Variants in PTPRB observed in about 807,000 individuals in gnomAD.
PTPRB encodes the protein receptor-type tyrosine-protein phosphatase beta.
A neutral mutation model predicts 238.1 loss-of-function variants in PTPRB; 97 were observed. The ratio of observed to expected loss-of-function variants is 0.41; its 90% CI spans 0.35 to 0.48. PTPRB has a LOEUF of 0.48. Ranked by LOEUF, PTPRB falls within the 20% of genes least tolerant of loss-of-function variation. PTPRB has a pLI of 0.30. For missense variants in PTPRB, 2,292 were observed against 2,681.9 expected (o/e 0.85, Z 3.21); for synonymous variants, 970 against 995.4 (o/e 0.97, Z 0.48).
At chr12:70,550,808 A>G (rs1449639519) in intron 21 of PTPRB, among the ~76,000 whole-genome samples, 1 of 152,188 alleles carries the variant, frequency 6.6e-6, no homozygotes, top group Non-Finnish European at 1.5e-5. Flanking sequence ...TTTCCAACTC[A>G]AAAAGAAAAT....
intron 21 of PTPRB, among the ~76,000 whole-genome samples, chr12:70,550,686 G>A (rs768600191): frequency 3.3e-5 from 5 of 152,078 alleles, no homozygotes; most frequent in Non-Finnish European, 7.4e-5. Flanking sequence ...AGATTGGTGG[G>A]CTCTGGTCCA....
intron 4 of PTPRB, among the ~76,000 whole-genome samples, chr12:70,597,165 G>C (rs1883103698): frequency 6.6e-6 from 1 of 151,956 alleles, no homozygotes; most frequent in African/African-American, 2.4e-5. Context: ...CAGGTGATCT[G>C]CCCGCCTCAG....
At position 70,610,590 on chromosome 12, in the gene PTPRB, C is replaced by T. The variant is rs918191511; in HGVS notation, c.709-1251G>A. On this transcript the variant is annotated intron_variant, in intron 3 of 33. Transcript: ENST00000334414. Reference sequence around the variant, plus strand: ...TTCTCACTTCAAAGCATTCATTTGTCCCGGTGGCATCCCCTGACACTAGCA... The same window carrying T: ...TTCTCACTTCAAAGCATTCATTTGTTCCGGTGGCATCCCCTGACACTAGCA... Among the ~76,000 whole-genome samples the T allele has an allele frequency of 5.3e-5, 8 of 152,216 alleles. No individual in the cohort carries two copies. In the South Asian group the frequency reaches 1.5e-3, roughly 28 times the overall value.
chr12:70,611,642 TAATGAAAA>T lies in PTPRB; in HGVS notation c.709-2311_709-2304del, dbSNP rs573896058. Among the ~76,000 whole-genome samples the T allele has an allele frequency of 4.3e-4, 66 of 152,312 alleles. No homozygotes were observed. The East Asian group carries it at 0.013, about 29-fold the overall frequency. Reference sequence around the variant, plus strand: ...AAAACATGCTTTTAAAAATACCTCTTAATGAAAAAACGAAGTTTCTTCCCCTCGAGAGA... The same window carrying T: ...AAAACATGCTTTTAAAAATACCTCTTAACGAAGTTTCTTCCCCTCGAGAGA... On this transcript the variant is annotated intron_variant, in intron 3 of 33. Transcript: ENST00000334414.
chr12:70,564,843 A>AAT lies in PTPRB; in HGVS notation c.3904+1591_3904+1592insAT, dbSNP rs772798059. Among the ~76,000 whole-genome samples, 467 of 96,504 alleles carry AAT rather than the reference A, an allele frequency of 4.8e-3. 1 individual carries two copies. Among genetic ancestry groups the AAT allele is most frequent in the African/African-American group, 7.9e-3 (209 of 26,344 alleles). The allele number at this position is 96,504 out of a possible 152,430, so 63.3% of individuals were successfully genotyped here. ...GCGAGGTTCTGTCTCCAAAAATAAT[A>AAT]AATAATAATAATAATAATAATAATA... On this transcript the variant is annotated intron_variant, in intron 15 of 33. Coordinates refer to ENST00000334414, the MANE Select transcript of PTPRB (RefSeq NM_001109754.4).
intron 3 of PTPRB, among the ~76,000 whole-genome samples, chr12:70,622,105 T>A (rs1467609323): frequency 6.6e-6 from 1 of 152,206 alleles, no homozygotes; most frequent in East Asian, 1.9e-4. Context: ...TCAGGACATG[T>A]GTAACACCAT....
intron 20 of PTPRB, among the ~76,000 whole-genome samples, chr12:70,553,235 A>G (rs1413043677): frequency 6.6e-6 from 1 of 152,174 alleles, no homozygotes; most frequent in Non-Finnish European, 1.5e-5. Flanking sequence ...GTGTATATAA[A>G]ATACACACAC....
At chr12:70,573,402 T>C (rs1436786714) in intron 11 of PTPRB, among the ~76,000 whole-genome samples, 3 of 152,158 alleles carry the variant, frequency 2.0e-5, no homozygotes, top group East Asian at 3.8e-4. Context: ...TTTTAGGTAC[T>C]GGTTGGTTTC....
rs112211148 is a variant in PTPRB at position 70,560,663 on chromosome 12, C to A, written c.4432+8G>T. On this transcript the variant is annotated splice_region_variant and intron_variant, in intron 17 of 33. Transcript: ENST00000334414. This position sits in a 1 kb window ranked among gnomAD's most constrained non-coding sequence, Gnocchi z 4.2. ...CATCCCTTGGCCATTGGCACCTGGGCTTCTCACCTGTTCTGCTCTCCGCTG... is the reference window on the plus strand; with the variant it reads ...CATCCCTTGGCCATTGGCACCTGGGATTCTCACCTGTTCTGCTCTCCGCTG... 6.2e-7 allele frequency: 1 copy of A among 1,612,646 alleles called. No homozygotes were observed. The highest frequency in any genetic ancestry group is 8.5e-7 in the Non-Finnish European group (1 of 1,179,004).
intron 32 of PTPRB, among the ~76,000 whole-genome samples, chr12:70,525,880 C>T (rs1488226450): frequency 6.6e-6 from 1 of 152,192 alleles, no homozygotes; most frequent in Non-Finnish European, 1.5e-5. Context: ...AACAAGGAGG[C>T]AAAGGTCTCT....
chr12:70,600,799 G>A (rs1883409449), intron 4 of PTPRB, among the ~76,000 whole-genome samples: 2 of 152,080 alleles, frequency 1.3e-5, no homozygotes, highest in South Asian at 4.2e-4. Context: ...GGGCTCAAGT[G>A]ATTCTCCCAC....
rs1010736140 is a variant in PTPRB, at chr12:70,518,747, AATGAG to A, written c.*2737_*2741del. The A allele has an allele frequency of 1.3e-5, 2 of 152,198 alleles. No individual in the cohort carries two copies. Among genetic ancestry groups the A allele is most frequent in the Non-Finnish European group, 2.9e-5 (2 of 68,030 alleles). 9.4% of individuals were successfully genotyped at this position (152,198 alleles called of 1,614,324 possible). On this transcript the variant is annotated 3_prime_UTR_variant, in exon 34 of 34. Coordinates refer to ENST00000334414, the MANE Select transcript of PTPRB (RefSeq NM_001109754.4). ...CAGAATGACAATACAAAATTGATTTAATGAGATGAGGTTAAAGGAGTTAATTATAA... is the reference window on the plus strand; with the variant it reads ...CAGAATGACAATACAAAATTGATTTAATGAGGTTAAAGGAGTTAATTATAA...
In PTPRB at chr12:70,580,717, A is replaced by G. The variant is rs138604837; in HGVS notation, c.2578+319T>C. 8.0e-3 allele frequency among the ~76,000 whole-genome samples: 1,216 copies of G among 151,980 alleles called. 18 individuals are homozygous for G. Among genetic ancestry groups the G allele is most frequent in the African/African-American group, 0.028 (1,149 of 41,468 alleles). ...GCCTGTAATCCCAGCTACTCGGGAG[A>G]CTGAGGCAGGAGAATTGCTGAACCC... On this transcript the variant is annotated intron_variant, in intron 10 of 33. Transcript: ENST00000334414.
Position 70,587,184 on chromosome 12 carries a change from A to G in PTPRB, c.2134T>C (p.Trp712Arg), listed in dbSNP as rs560197288. ...SIMWQTPVAE[W>R]EKYIISLADR... The stretch of plus-strand genomic sequence containing the variant: ...GCTAGGGAAATGATGTATTTCTCCC[A>G]TTCTGCTACAGGGGTCTGCCACATG... Residue 712 changes from tryptophan to arginine, a missense_variant, in exon 9 of 34, where the codon TGG (tryptophan) becomes CGG (arginine). Trp to Arg is a moderately radical substitution (Grantham distance 101). Around this residue, in one of 4 missense-constraint regions of PTPRB, gnomAD observed 1,205 missense variants for 1,287.8 expected, o/e 0.94. Coordinates refer to ENST00000334414, the MANE Select transcript of PTPRB (RefSeq NM_001109754.4). 1.2e-5 allele frequency: 20 copies of G among 1,613,614 alleles called. No individual in the cohort carries two copies. The highest frequency in any genetic ancestry group is 1.7e-5 in the Non-Finnish European group (20 of 1,179,702).
intron 18 of PTPRB, among the ~76,000 whole-genome samples, 165 bp from the exon 19 acceptor site, chr12:70,556,313 C>G (rs1409805940): frequency 3.3e-5 from 5 of 151,942 alleles, no homozygotes; most frequent in Non-Finnish European, 7.4e-5. Flanking sequence ...CATAAATCTC[C>G]CAGGGAACCA....
chr12:70,535,224 GTTTTTTTTT>G (rs71457059), intron 29 of PTPRB, among the ~76,000 whole-genome samples: 3 of 81,980 alleles, frequency 3.7e-5, no homozygotes, highest in African/African-American at 8.5e-5. Context: ...TATGGCTTGA[GTTTTTTTTT>G]TTTTTTTTTT....
intron 16 of PTPRB, among the ~76,000 whole-genome samples, chr12:70,561,913 A>G (rs1306515295): frequency 1.3e-5 from 2 of 152,214 alleles, no homozygotes; most frequent in Non-Finnish European, 2.9e-5. Context: ...GTCACATTAC[A>G]GCAGTGGGCC....
Position 70,569,913 on chromosome 12 carries a change from G to T in PTPRB, c.3396C>A (p.His1132Gln). The change falls in exon 14 of 34, where the codon CAC (histidine) becomes CAA (glutamine). Residue 1132 changes from histidine to glutamine, a missense_variant. This residue lies in a region of PTPRB where 683 missense variants were observed against 862.0 expected (regional missense o/e 0.79). Coordinates refer to ENST00000334414, the MANE Select transcript of PTPRB (RefSeq NM_001109754.4). ...TATCTGTTGCTCCATTGGGAGAAATGTGAATATTTTTGACAGCACTAGGAA... is the reference window on the plus strand; with the variant it reads ...TATCTGTTGCTCCATTGGGAGAAATTTGAATATTTTTGACAGCACTAGGAA... The part of the protein sequence containing the change: ...FTVPSAVKNI[H>Q]ISPNGATDSL... 1 of 1,611,264 alleles carries T rather than the reference G, an allele frequency of 6.2e-7. No individual in the cohort carries two copies. The highest frequency in any genetic ancestry group is 8.5e-7 in the Non-Finnish European group (1 of 1,177,460).
chr12:70,552,176 G>C (rs1189290242), intron 21 of PTPRB, among the ~76,000 whole-genome samples: 1 of 151,966 alleles, frequency 6.6e-6, no homozygotes. Flanking sequence ...TAAAGTATTG[G>C]ACTCATATTT....
Sources: allele counts gnomAD v4.1 joint callset (sites outside exome capture counted in the v4.1 genomes callset), GRCh38; gene constraint gnomAD v4.1.1; regional missense constraint gnomAD v4.1.1; non-coding constraint Gnocchi (gnomAD v3.1); transcripts MANE v1.5; gene names NCBI Gene and HGNC (gene_info 2026-07-23, HGNC 2026-07-21).